The following ADGRF1 variants were observed in gnomAD, a reference collection of about 807,000 sequenced individuals.
ADGRF1 encodes adhesion G protein-coupled receptor F1.
A neutral mutation model predicts 87.2 loss-of-function variants in ADGRF1; 85 were observed. The observed-to-expected ratio is 0.97, with a 90% CI of 0.82 to 1.17. ADGRF1 has a LOEUF of 1.17. Among genes scored for constraint, ADGRF1 ranks in the 50% most tolerant of loss-of-function variants. The pLI, the probability that ADGRF1 is intolerant of heterozygous loss-of-function variation, is 0.00. For synonymous variants in ADGRF1, 430 were observed against 408.8 expected, an observed-to-expected ratio of 1.05 and a Z score of -0.63; for missense variants, 1,169 against 1,077.2, an observed-to-expected ratio of 1.09 and a Z score of -1.19.
intron 1 of ADGRF1, among the ~76,000 whole-genome samples, chr6:47,036,506 G>A (rs988264719): frequency 6.6e-6 from 1 of 152,164 alleles, no homozygotes; most frequent in Non-Finnish European, 1.5e-5. Flanking sequence ...GATCAGGCCT[G>A]CTGGAAAACC....
rs566959174 is a variant in ADGRF1, at chr6:47,021,758, C to T, written c.552+200G>A. On this transcript the variant is annotated intron_variant, in intron 6 of 14. Transcript: ENST00000371253. ...AGCAAAACTGAACACAAGAGAAGTG[C>T]AAAGAAGTCAGCTGCTAAACTTTCC... Among the ~76,000 whole-genome samples, 5 of 152,196 alleles carry T rather than the reference C, an allele frequency of 3.3e-5. No individual in the cohort carries two copies. In the South Asian group the frequency reaches 8.3e-4, roughly 25 times the overall value.
intron 4 of ADGRF1, among the ~76,000 whole-genome samples, chr6:47,025,145 C>CT (rs888849644): frequency 2.0e-4 from 30 of 151,694 alleles, no homozygotes; most frequent in Non-Finnish European, 3.4e-4. Context: ...CCGAAGTCGT[C>CT]TTTTTTTTTC....
rs543177282 is a variant in ADGRF1, at chr6:47,024,071, G to A, written c.424C>T (p.Gln142Ter). Residue 142 changes from glutamine to a stop codon, truncating the protein, a stop_gained, in exon 5 of 15, where the codon CAG becomes TAG. Transcript: ENST00000371253. LOFTEE classifies it high-confidence loss of function. ...GTTCTCTCACAGAAATTGACACTCTGGCTGAGGTTGTTGAGATGACATTCA... is the reference window on the plus strand; with the variant it reads ...GTTCTCTCACAGAAATTGACACTCTAGCTGAGGTTGTTGAGATGACATTCA... ...SCECHLNNLS[Q>*]SVNFCERTKI... The A allele has an allele frequency of 2.7e-5, 43 of 1,614,020 alleles. No individual in the cohort carries two copies. The South Asian group carries it at 4.3e-4, about 16-fold the overall frequency.
At position 47,009,427 on chromosome 6, in the gene ADGRF1, A is replaced by G; in HGVS notation, c.2008T>C (p.Ser670Pro). 1.9e-6 allele frequency: 3 copies of G among 1,613,938 alleles called. No homozygotes were observed. The highest frequency in any genetic ancestry group is 2.5e-6 in the Non-Finnish European group (3 of 1,179,954). The change falls in exon 11 of 15, where the codon TCT (serine) becomes CCT (proline). Residue 670 changes from serine to proline, a missense_variant. By Grantham distance (74) the Ser-to-Pro change is moderately conservative (BLOSUM62 -1). Transcript: ENST00000371253. The part of the protein sequence containing the change: ...AVFFTHFFYL[S>P]LFFWMLMLGI... ...AGCATGAGCATCCAGAAGAACAAAG[A>G]GAGGTAGAAGAAGTGTGTAAAGAAC...
Position 47,007,244 on chromosome 6 carries a change from T to C in ADGRF1, c.2532+9A>G. On this transcript the variant is annotated intron_variant, in intron 12 of 14. Coordinates refer to ENST00000371253, the MANE Select transcript of ADGRF1 (RefSeq NM_153840.4). The stretch of plus-strand genomic sequence containing the variant: ...GCTAGGGGTTAATGAGAGAAATAAA[T>C]ACACATACCTTACTGTCCAAGAGTA... The C allele has an allele frequency of 6.5e-7, 1 of 1,540,520 alleles. No individual in the cohort carries two copies. The highest frequency in any genetic ancestry group is 1.1e-5 in the South Asian group (1 of 87,082).
intron 14 of ADGRF1, among the ~76,000 whole-genome samples, chr6:47,001,019 G>A (rs966232730): frequency 1.3e-5 from 2 of 152,246 alleles, no homozygotes; most frequent in African/African-American, 4.8e-5. Context: ...GTCACAGGTG[G>A]AGGAGACAGT....
intron 1 of ADGRF1, among the ~76,000 whole-genome samples, chr6:47,031,788 G>A (rs1021209018): frequency 1.3e-5 from 2 of 152,014 alleles, no homozygotes; most frequent in African/African-American, 4.8e-5. Context: ...GTGCAGTGGT[G>A]TAGTCATGGC....
In ADGRF1 at chr6:47,025,934, C is replaced by T. The variant is rs1427267148; in HGVS notation, c.197G>A (p.Arg66Lys). Residue 66 changes from arginine to lysine, a missense_variant, in exon 4 of 15, where the codon AGA becomes AAA. By Grantham distance (26) the Arg-to-Lys change is conservative. Transcript: ENST00000371253. Reference protein sequence around the residue: ...YRDSKEKRDLRNFLKLLKPPL... With the variant: ...YRDSKEKRDLKNFLKLLKPPL... ...AGGCTTCAAGAGCTTCAGAAAATTT[C>T]TCAAATCTCTTTTCTCCTTGGAATC... The T allele has an allele frequency of 1.2e-6, 2 of 1,612,066 alleles. No homozygotes were observed. The highest frequency in any genetic ancestry group is 3.3e-4 in the Middle Eastern group (2 of 6,056).
Position 46,998,978 on chromosome 6 carries a change from T to G in ADGRF1, c.*1244A>C, listed in dbSNP as rs1779283804. 6.6e-6 allele frequency: 1 copy of G among 152,266 alleles called. No homozygotes were observed. The highest frequency in any genetic ancestry group is 2.4e-5 in the African/African-American group (1 of 41,470). The allele number at this position is 152,266 out of a possible 1,614,324, so 9.4% of individuals were successfully genotyped here. On this transcript the variant is annotated 3_prime_UTR_variant, in exon 15 of 15. Transcript: ENST00000371253. ...CTAGAAGTTCCCCCAGCTGTCTTTA[T>G]TTGCATAGCATGAAGGCTTTCCATG...
chr6:47,033,365 T>G (rs2113907913), intron 1 of ADGRF1, among the ~76,000 whole-genome samples: 1 of 152,336 alleles, frequency 6.6e-6, no homozygotes, highest in Non-Finnish European at 1.5e-5. Flanking sequence ...AGTTATATAC[T>G]TACGGACTCC....
chr6:47,027,569 C>A, intron 3 of ADGRF1, 135 bp downstream of exon 3: 1 of 616,384 alleles, frequency 1.6e-6, no homozygotes, highest in South Asian at 2.2e-5. Context: ...GAATTACTGT[C>A]ATTCTCCTTG....
At position 47,003,678 on chromosome 6, in the gene ADGRF1, C is replaced by T. The variant is rs1319736527; in HGVS notation, c.2593-2111G>A. 2.0e-5 allele frequency among the ~76,000 whole-genome samples: 3 copies of T among 152,166 alleles called. No homozygotes were observed. The East Asian group carries it at 5.8e-4, about 29-fold the overall frequency. ...CTATGACGTGGAAGCCCTCCTGTCC[C>T]TACTTCGAGTTGTCCCATCTTTCCA... On this transcript the variant is annotated intron_variant, in intron 13 of 14. Transcript: ENST00000371253.
At position 47,014,754 on chromosome 6, in the gene ADGRF1, G is replaced by C; in HGVS notation, c.854C>G (p.Ala285Gly). 6.2e-7 allele frequency: 1 copy of C among 1,613,974 alleles called. No individual in the cohort carries two copies. Among genetic ancestry groups the C allele is most frequent in the Non-Finnish European group, 8.5e-7 (1 of 1,179,958 alleles). ...CTGCCACCCAGAGGACTCACACTTG[G>C]CTGTGATGTTTCCCCTGTAGCCACT... Reference protein sequence around the residue: ...CSSGYRGNITAKCESSGWQVI... With the variant: ...CSSGYRGNITGKCESSGWQVI... Residue 285 changes from alanine (A) to glycine (G), a missense_variant, in exon 9 of 15, where the codon GCC (alanine) becomes GGC (glycine). Coordinates refer to ENST00000371253, the MANE Select transcript of ADGRF1 (RefSeq NM_153840.4).
At chr6:47,018,663 G>GCCAAGTGTGGGAGGCCA in intron 7 of ADGRF1, 1 of 1,234,492 alleles carries the variant, frequency 8.1e-7, no homozygotes, top group South Asian at 1.3e-5. Context: ...TGTAATCCCA[G>GCCAAGTGTGGGAGGCCA]CACTTTGGGA....
Position 47,006,158 on chromosome 6 carries a change from T to C in ADGRF1, c.2533-282A>G, listed in dbSNP as rs563733940. On this transcript the variant is annotated intron_variant, in intron 12 of 14. Transcript: ENST00000371253. ...GCTAAACTGAAGTGTATCTTTGAAG[T>C]GAAGAGTTTCCTAACCACATGAATG... 2.0e-5 allele frequency among the ~76,000 whole-genome samples: 3 copies of C among 152,286 alleles called. 1 individual carries two copies. The South Asian group carries it at 6.2e-4, about 32-fold the overall frequency.
At chr6:47,027,052 A>C (rs1401682554) in intron 3 of ADGRF1, among the ~76,000 whole-genome samples, 1 of 152,194 alleles carries the variant, frequency 6.6e-6, no homozygotes, top group Non-Finnish European at 1.5e-5. Flanking sequence ...CCAGACTCAG[A>C]GGGTCAGTGT....
intron 1 of ADGRF1, among the ~76,000 whole-genome samples, chr6:47,036,062 C>G (rs758151733): frequency 2.0e-5 from 3 of 152,142 alleles, no homozygotes; most frequent in Non-Finnish European, 2.9e-5. Flanking sequence ...GAAACCCCAT[C>G]TCTACTAAAA....
intron 7 of ADGRF1, chr6:47,020,470 C>T (rs1780012973): frequency 1.4e-6 from 2 of 1,416,630 alleles, no homozygotes; most frequent in African/African-American, 1.4e-5. Context: ...TGCCATTGCA[C>T]TCCAACTTGG....
At chr6:47,007,172 AT>A in intron 12 of ADGRF1, 80 bp downstream of exon 12, 1 of 775,334 alleles carries the variant, frequency 1.3e-6, no homozygotes, top group South Asian at 1.9e-5. Context: ...CTCTTATTAT[AT>A]GAATAAAGGC....
Sources: gnomAD v4.1 joint callset for allele counts (sites outside exome capture counted in the v4.1 genomes callset) on GRCh38, gnomAD v4.1.1 for gene constraint, MANE v1.5 for transcripts, NCBI Gene and HGNC (gene_info 2026-07-23, HGNC 2026-07-21) for gene names.